Variants in MARCHF1 observed in about 807,000 individuals in gnomAD.
MARCHF1 encodes the protein E3 ubiquitin-protein ligase MARCHF1.
A neutral mutation model predicts 54.2 loss-of-function variants in MARCHF1; 40 were observed. The ratio of observed to expected loss-of-function variants is 0.74; its 90% confidence interval spans 0.57 to 0.96. MARCHF1 has a LOEUF of 0.96. Among genes scored for constraint, MARCHF1 ranks in the 40% least tolerant of loss-of-function variants. The pLI, the probability that MARCHF1 is intolerant of heterozygous loss-of-function variation, is 0.00. For synonymous variants in MARCHF1, 236 were observed against 236.3 expected (o/e 1.00, Z 0.01); for missense variants, 586 against 656.5 (o/e 0.89, Z 1.17).
At chr4:163,835,088 G>A (rs1473408085) in intron 4 of MARCHF1, among the ~76,000 whole-genome samples, 2 of 152,040 alleles carry the variant, frequency 1.3e-5, no homozygotes, top group African/African-American at 4.8e-5. Context: ...TTGCTGTGTT[G>A]TCCAGGCTGA....
chr4:163,778,557 T>G (rs1747370364), intron 4 of MARCHF1, among the ~76,000 whole-genome samples: 1 of 152,206 alleles, frequency 6.6e-6, no homozygotes, highest in African/African-American at 2.4e-5. Flanking sequence ...GAACTATGTG[T>G]CTTCTTACAC....
chr4:164,216,946 A>G (rs1579631149), intron 1 of MARCHF1, among the ~76,000 whole-genome samples: 1 of 152,356 alleles, frequency 6.6e-6, no homozygotes, highest in East Asian at 1.9e-4. Flanking sequence ...TTACTGATGT[A>G]AATAATCCGG....
intron 4 of MARCHF1, among the ~76,000 whole-genome samples, chr4:163,724,389 C>T (rs1160327908): frequency 6.6e-6 from 1 of 152,166 alleles, no homozygotes; most frequent in Non-Finnish European, 1.5e-5. Flanking sequence ...CAGAGGGGGA[C>T]CCGGCTGTGT....
chr4:164,274,927 C>A (rs187986155), intron 1 of MARCHF1, among the ~76,000 whole-genome samples: 214 of 151,272 alleles, frequency 1.4e-3, no homozygotes, highest in African/African-American at 5.0e-3. Context: ...CCACCCGCCT[C>A]GGCCTCCCAA....
intron 3 of MARCHF1, among the ~76,000 whole-genome samples, chr4:163,903,190 G>A (rs963456607): frequency 6.6e-5 from 10 of 151,842 alleles, no homozygotes; most frequent in Non-Finnish European, 1.5e-5. Context: ...CTTTTGTGTG[G>A]GAAGTGTAAC....
At chr4:164,284,359 A>C (rs1228527807) in intron 1 of MARCHF1, among the ~76,000 whole-genome samples, 2 of 150,074 alleles carry the variant, frequency 1.3e-5, no homozygotes, top group African/African-American at 2.5e-5. Flanking sequence ...AGAGAGAGAG[A>C]GAGCAAGAAC....
chr4:163,680,355 T>C (rs999524453), intron 5 of MARCHF1, among the ~76,000 whole-genome samples: 1 of 152,272 alleles, frequency 6.6e-6, no homozygotes, highest in African/African-American at 2.4e-5. Flanking sequence ...TTTGGATCCC[T>C]CTTGTTTGTG....
chr4:164,286,959 CAAGGA>C (rs1459622666), intron 1 of MARCHF1, among the ~76,000 whole-genome samples: 1 of 149,790 alleles, frequency 6.7e-6, no homozygotes, highest in Non-Finnish European at 1.5e-5. Flanking sequence ...TTTCAGTTCT[CAAGGA>C]AAGAGACTCA....
chr4:163,905,907 A>G (rs994214233), intron 3 of MARCHF1, among the ~76,000 whole-genome samples: 2 of 152,050 alleles, frequency 1.3e-5, no homozygotes, highest in African/African-American at 4.8e-5. Flanking sequence ...TAAAAAATTC[A>G]TTTATTGGAT....
chr4:164,010,318 C>CAA (rs768698962), intron 2 of MARCHF1, among the ~76,000 whole-genome samples: 1 of 150,786 alleles, frequency 6.6e-6, no homozygotes, highest in Non-Finnish European at 1.5e-5. Flanking sequence ...AGGATGGTCT[C>CAA]AATCTCTTGA....
At chr4:164,251,101 G>A (rs1362437130) in intron 1 of MARCHF1, among the ~76,000 whole-genome samples, 2 of 152,088 alleles carry the variant, frequency 1.3e-5, no homozygotes, top group African/African-American at 4.8e-5. Flanking sequence ...TCACCAATGT[G>A]CTAGCCATTA....
intron 5 of MARCHF1, among the ~76,000 whole-genome samples, chr4:163,617,858 T>C (rs957696650): frequency 6.6e-6 from 1 of 152,168 alleles, no homozygotes; most frequent in Admixed American, 6.6e-5. Context: ...AATGGATACC[T>C]ATGGCTATGA....
chr4:163,605,912 G>A (rs2110904762), intron 7 of MARCHF1, among the ~76,000 whole-genome samples: 1 of 152,170 alleles, frequency 6.6e-6, no homozygotes, highest in East Asian at 1.9e-4. Flanking sequence ...GTTGCGGGTT[G>A]GGGGGCTAGG....
chr4:163,786,976 CA>C (rs1364227828), intron 4 of MARCHF1, among the ~76,000 whole-genome samples: 1 of 151,868 alleles, frequency 6.6e-6, no homozygotes, highest in Non-Finnish European at 1.5e-5. Flanking sequence ...GCCAATACTA[CA>C]TACAGGAAAG....
At chr4:164,099,128 T>G (rs1347629717) in intron 2 of MARCHF1, among the ~76,000 whole-genome samples, 1 of 152,212 alleles carries the variant, frequency 6.6e-6, no homozygotes, top group Non-Finnish European at 1.5e-5. Context: ...GAAGTTGGTT[T>G]TCTCAGCTGC....
chr4:164,168,663 TACACAC>T (rs3059785), intron 1 of MARCHF1, among the ~76,000 whole-genome samples: 4 of 147,166 alleles, frequency 2.7e-5, no homozygotes, highest in African/African-American at 1.0e-4. Flanking sequence ...TTATGTGGAA[TACACAC>T]ACACACACAC....
At chr4:164,019,918 G>A (rs190656098) in intron 2 of MARCHF1, among the ~76,000 whole-genome samples, 52 of 152,294 alleles carry the variant, frequency 3.4e-4, no homozygotes, top group African/African-American at 1.2e-3. Context: ...GCTAAGAAAA[G>A]CTGTCGGGAA....
chr4:163,552,445 A>G (rs1377698416), intron 8 of MARCHF1, among the ~76,000 whole-genome samples: 3 of 152,242 alleles, frequency 2.0e-5, no homozygotes, highest in African/African-American at 7.2e-5. Context: ...AGTAATTGGC[A>G]GTCTTACTGA....
intron 4 of MARCHF1, among the ~76,000 whole-genome samples, chr4:163,750,264 C>A (rs962234178): frequency 2.0e-5 from 3 of 152,012 alleles, no homozygotes; most frequent in Non-Finnish European, 4.4e-5. Flanking sequence ...GTAATCCCAG[C>A]AATTTGGGAG....
Sources: gnomAD v4.1 joint callset for allele counts (sites outside exome capture counted in the v4.1 genomes callset) on GRCh38, gnomAD v4.1.1 for gene constraint, MANE v1.5 for transcripts, NCBI Gene and HGNC (gene_info 2026-07-23, HGNC 2026-07-21) for gene names.